Variants in CEP112 observed in about 807,000 individuals in gnomAD.
CEP112 encodes the protein centrosomal protein 112, also known as centrosomal protein of 112 kDa.
A neutral mutation model predicts 153.0 loss-of-function variants in CEP112; 127 were observed. The ratio of observed to expected loss-of-function variants is 0.83; its 90% CI spans 0.72 to 0.96. CEP112 has a LOEUF of 0.96. CEP112 is among the 40% of genes least tolerant of loss of function. CEP112 has a pLI of 0.00. For synonymous variants in CEP112, 358 were observed against 374.4 expected (o/e 0.96, Z 0.51); for missense variants, 1,089 against 1,101.2 (o/e 0.99, Z 0.16).
At chr17:66,003,764 T>TTC (rs1016309090) in intron 17 of CEP112, among the ~76,000 whole-genome samples, 7 of 152,120 alleles carry the variant, frequency 4.6e-5, no homozygotes, top group African/African-American at 1.4e-4. Context: ...TCAGATTAGA[T>TTC]TCTCACAGGA....
intron 4 of CEP112, among the ~76,000 whole-genome samples, 170 bp from the exon 5 acceptor site, chr17:66,132,933 G>A (rs956082145): frequency 1.3e-5 from 2 of 152,068 alleles, no homozygotes; most frequent in African/African-American, 4.8e-5. Context: ...AGCTACTTGG[G>A]AGGCTGGGGC....
intron 7 of CEP112, 95 bp from the exon 8 acceptor site, chr17:66,096,423 A>G (rs1185658087): frequency 1.6e-6 from 2 of 1,242,312 alleles, no homozygotes; most frequent in African/African-American, 3.0e-5. Context: ...CCCGTACCAA[A>G]ATAGTACTAA....
At chr17:65,736,594 A>G (rs571465839) in intron 23 of CEP112, among the ~76,000 whole-genome samples, 2 of 152,302 alleles carry the variant, frequency 1.3e-5, no homozygotes, top group Admixed American at 1.3e-4. Context: ...TGCAAAAAAG[A>G]GGAGATGGGA....
chr17:66,053,453 C>T (rs1003235368), intron 12 of CEP112, among the ~76,000 whole-genome samples: 2 of 152,058 alleles, frequency 1.3e-5, no homozygotes, highest in Admixed American at 1.3e-4. Flanking sequence ...TGCCGTTGCA[C>T]TCCAGCCTGG....
chr17:66,048,405 G>T (rs888940763), intron 12 of CEP112, among the ~76,000 whole-genome samples: 1 of 151,862 alleles, frequency 6.6e-6, no homozygotes, highest in Non-Finnish European at 1.5e-5. Flanking sequence ...TTACTCTAAA[G>T]TAAAGCTGGG....
intron 20 of CEP112, among the ~76,000 whole-genome samples, chr17:65,855,840 G>T (rs2058103048): frequency 6.6e-6 from 1 of 152,160 alleles, no homozygotes; most frequent in African/African-American, 2.4e-5. Flanking sequence ...AAGGCAGGTG[G>T]ATCACTTGAG....
At chr17:65,642,557 A>C (rs1346951884) in intron 24 of CEP112, among the ~76,000 whole-genome samples, 2 of 152,200 alleles carry the variant, frequency 1.3e-5, no homozygotes, top group African/African-American at 2.4e-5. Flanking sequence ...ACTTATACCT[A>C]AAGGAAAAAA....
At chr17:66,124,666 A>G (rs1251080415) in intron 6 of CEP112, among the ~76,000 whole-genome samples, 3 of 152,094 alleles carry the variant, frequency 2.0e-5, no homozygotes, top group South Asian at 2.1e-4. Flanking sequence ...CTGCTACACA[A>G]TCCCTCAATT....
At chr17:65,921,960 A>G (rs2060746953) in intron 19 of CEP112, among the ~76,000 whole-genome samples, 1 of 152,184 alleles carries the variant, frequency 6.6e-6, no homozygotes, top group Non-Finnish European at 1.5e-5. Context: ...AAAAGAATTC[A>G]CCATGATTCC....
intron 4 of CEP112, among the ~76,000 whole-genome samples, chr17:66,173,262 G>T (rs370524902): frequency 2.5e-4 from 38 of 152,166 alleles, no homozygotes; most frequent in Non-Finnish European, 5.6e-4. Flanking sequence ...TATGCTAAGG[G>T]GGGTAACCAA....
At position 65,903,472 on chromosome 17, in the gene CEP112, GAATCA is replaced by G. The variant is rs535431152; in HGVS notation, c.1981-1143_1981-1139del. Among the ~76,000 whole-genome samples the G allele has an allele frequency of 4.1e-3, 620 of 152,218 alleles. 4 individuals are homozygous for G. The highest frequency in any genetic ancestry group is 5.4e-3 in the South Asian group (26 of 4,824). ...ATTCTTATCCCTTATGACAAGTCAA[GAATCA>G]AAACACAAATGAAATTTGCTTTAAA... On this transcript the variant is annotated intron_variant, in intron 19 of 26. Transcript: ENST00000535342.
At chr17:65,911,506 TA>T (rs1225518831) in intron 19 of CEP112, among the ~76,000 whole-genome samples, 21 of 152,094 alleles carry the variant, frequency 1.4e-4, no homozygotes, top group Admixed American at 1.3e-3. Flanking sequence ...CTTATGTGGT[TA>T]AAAAAATGTT....
At chr17:65,880,713 G>C (rs2059030093) in intron 20 of CEP112, among the ~76,000 whole-genome samples, 1 of 152,202 alleles carries the variant, frequency 6.6e-6, no homozygotes, top group African/African-American at 2.4e-5. Flanking sequence ...GTGAAGACGT[G>C]CTCTGAGGCT....
chr17:65,750,570 T>C (rs1463226657), intron 22 of CEP112, 92 bp downstream of exon 22: 2 of 1,005,640 alleles, frequency 2.0e-6, no homozygotes, highest in Non-Finnish European at 3.1e-6. Context: ...CTGAAAAGAA[T>C]GAAGTTTAAC....
At chr17:66,159,510 G>A (rs2071601785) in intron 4 of CEP112, among the ~76,000 whole-genome samples, 1 of 151,764 alleles carries the variant, frequency 6.6e-6, no homozygotes, top group Admixed American at 6.6e-5. Context: ...CCACAATCAA[G>A]TTGGCTTCAT....
chr17:66,042,282 G>A (rs1053335184), intron 12 of CEP112, among the ~76,000 whole-genome samples: 2 of 152,100 alleles, frequency 1.3e-5, no homozygotes, highest in Admixed American at 1.3e-4. Flanking sequence ...CCCAGGAGGC[G>A]GAGGTTGTAG....
chr17:66,162,030 GA>G (rs1490783559), intron 4 of CEP112, among the ~76,000 whole-genome samples: 1 of 151,998 alleles, frequency 6.6e-6, no homozygotes, highest in African/African-American at 2.4e-5. Flanking sequence ...AGACACAAGT[GA>G]AAGTGAAAAT....
intron 18 of CEP112, among the ~76,000 whole-genome samples, chr17:65,933,205 CT>C (rs1309184158): frequency 6.6e-6 from 1 of 151,976 alleles, no homozygotes; most frequent in Non-Finnish European, 1.5e-5. Context: ...AGAGACCTAA[CT>C]TTCACATAAT....
At chr17:65,998,155 T>C (rs1301320271) in intron 17 of CEP112, among the ~76,000 whole-genome samples, 1 of 151,864 alleles carries the variant, frequency 6.6e-6, no homozygotes, top group Non-Finnish European at 1.5e-5. Context: ...CTGAGGTGGA[T>C]GGATCACTTG....
Sources: gnomAD v4.1 joint callset for allele counts (sites outside exome capture counted in the v4.1 genomes callset) on GRCh38, gnomAD v4.1.1 for gene constraint, MANE v1.5 for transcripts, NCBI Gene and HGNC (gene_info 2026-07-23, HGNC 2026-07-21) for gene names.